Variants in PPP1CA observed in about 807,000 individuals in gnomAD.
The protein encoded by PPP1CA is serine/threonine-protein phosphatase PP1-alpha catalytic subunit.
In PPP1CA, 14 loss-of-function variants were observed where a neutral mutation model predicts 38.5. That is an observed-to-expected ratio of 0.36 (90% confidence interval 0.24 to 0.57). The LOEUF is 0.57. Ranked by LOEUF, PPP1CA falls within the 20% of genes least tolerant of loss-of-function variation. PPP1CA has a pLI of 0.80. For synonymous variants in PPP1CA, 200 were observed against 177.3 expected (o/e 1.13, Z -1.02); for missense variants, 277 against 435.2 (o/e 0.64, Z 3.23).
Position 67,401,407 on chromosome 11 carries a change from T to G in PPP1CA, c.56-208A>C, listed in dbSNP as rs979521201. The stretch of plus-strand genomic sequence containing the variant: ...TACCCTCAGCGCCTCGGGAGGCGAC[T>G]GTCGTGCGCAGGGGGCTGCCACCAA... On this transcript the variant is annotated intron_variant, in intron 1 of 6. Transcript: ENST00000376745. 3 of 831,446 alleles carry G rather than the reference T, an allele frequency of 3.6e-6. No homozygotes were observed. The African/African-American group carries it at 5.2e-5, about 14-fold the overall frequency. The allele number at this position is 831,446 out of a possible 1,614,324, so 51.5% of individuals were successfully genotyped here.
At position 67,398,657 on chromosome 11, in the gene PPP1CA, A is replaced by AGT; in HGVS notation, c.883-14_883-13dup. ...GCGGGCTTGAGGATCTAAAAGAGAC[A>AGT]GTGTTGGTCAGGCTCATGGGGCTGA... is the stretch of plus-strand genomic sequence containing the variant. On this transcript the variant is annotated splice_polypyrimidine_tract_variant and intron_variant, in intron 6 of 6. Transcript: ENST00000376745. The AGT allele has an allele frequency of 1.2e-6, 2 of 1,613,868 alleles. No individual in the cohort carries two copies. Among genetic ancestry groups the AGT allele is most frequent in the Non-Finnish European group, 1.7e-6 (2 of 1,179,840 alleles).
At chr11:67,400,962 C>A in intron 2 of PPP1CA, 43 bp from the exon 3 acceptor site, 3 of 1,610,954 alleles carry the variant, frequency 1.9e-6, no homozygotes, top group Non-Finnish European at 2.5e-6. Context: ...AAGGTCTAGA[C>A]CTGAACCCAG....
chr11:67,399,256 C>T, intron 4 of PPP1CA, 93 bp from the exon 5 acceptor site: 1 of 1,154,358 alleles, frequency 8.7e-7, no homozygotes, highest in East Asian at 2.6e-5. Flanking sequence ...CACCACCCTC[C>T]TGGTCCCGCC....
chr11:67,400,762 G>A lies in PPP1CA; in HGVS notation c.345C>T (p.Pro115=), dbSNP rs1457838162. The change falls in exon 3 of 7, where the codon CCC becomes CCT. Residue 115 remains proline, a synonymous_variant. Coordinates refer to ENST00000376745, the MANE Select transcript of PPP1CA (RefSeq NM_002708.4). ...CLLLAYKIKY[P]ENFFLLRGNH... Reference sequence around the variant, plus strand: ...TCCCACGGAGCAGGAAGAAGTTCTCGGGGTACTTGATCTTATAGGCCAGCA... The same window carrying A: ...TCCCACGGAGCAGGAAGAAGTTCTCAGGGTACTTGATCTTATAGGCCAGCA... 7 of 1,613,982 alleles carry A rather than the reference G, an allele frequency of 4.3e-6. No homozygotes were observed. The highest frequency in any genetic ancestry group is 5.9e-6 in the Non-Finnish European group (7 of 1,180,044).
In PPP1CA at chr11:67,401,155, C is replaced by T. The variant is rs1286863709; in HGVS notation, c.100G>A (p.Glu34Lys). The T allele has an allele frequency of 1.2e-6, 2 of 1,613,880 alleles. No homozygotes were observed. The highest frequency in any genetic ancestry group is 1.7e-6 in the Non-Finnish European group (2 of 1,180,012). Reference protein sequence around the residue: ...PGKNVQLTENEIRGLCLKSRE... With the variant: ...PGKNVQLTENKIRGLCLKSRE... ...GATTTCAGGCACAGACCGCGGATCT[C>T]GTTCTCTGTCAGCTGTACATTCTTG... The change falls in exon 2 of 7, where the codon GAG (glutamate) becomes AAG (lysine). Residue 34 changes from glutamate (E) to lysine (K), a missense_variant. Glu to Lys is a moderately conservative substitution (Grantham distance 56, BLOSUM62 1). Coordinates refer to ENST00000376745, the MANE Select transcript of PPP1CA (RefSeq NM_002708.4).
rs1162107886 is a variant in PPP1CA, at chr11:67,399,179, A to T, written c.524-16T>A. ...GGGGACAGGCCTGGGGGGCCGGGGGAAGGTCACTTCCTCAAACAAGGACAT... is the reference window on the plus strand; with the variant it reads ...GGGGACAGGCCTGGGGGGCCGGGGGTAGGTCACTTCCTCAAACAAGGACAT... On this transcript the variant is annotated splice_polypyrimidine_tract_variant and intron_variant, in intron 4 of 6. Coordinates refer to ENST00000376745, the MANE Select transcript of PPP1CA (RefSeq NM_002708.4). 1.9e-6 allele frequency: 3 copies of T among 1,606,348 alleles called. No homozygotes were observed. The South Asian group carries it at 3.3e-5, about 18-fold the overall frequency.
chr11:67,399,613 G>A lies in PPP1CA; in HGVS notation c.471C>T (p.Asn157=), dbSNP rs1416929088. ...CCACTATGGCCGCGATGGGCAGGCA[G>A]TTGAAGCAGTCAGTGAAGGTTTTCC... ...KLWKTFTDCF[N]CLPIAAIVDE... is the part of the protein sequence containing the mutation. Residue 157 remains asparagine (N), a synonymous_variant, in exon 4 of 7, where the codon AAC becomes AAT. Transcript: ENST00000376745. 2 of 1,614,036 alleles carry A rather than the reference G, an allele frequency of 1.2e-6. No individual in the cohort carries two copies. The highest frequency in any genetic ancestry group is 2.7e-5 in the African/African-American group (2 of 74,952).
rs752708519 is a variant in PPP1CA at position 67,398,996 on chromosome 11, C to A, written c.691G>T (p.Val231Leu). The A allele has an allele frequency of 6.2e-7, 1 of 1,613,466 alleles. No homozygotes were observed. Among genetic ancestry groups the A allele is most frequent in the Non-Finnish European group, 8.5e-7 (1 of 1,180,020 alleles). The change falls in exon 5 of 7, where the codon GTG becomes TTG. Residue 231 changes from valine (V) to leucine (L), a missense_variant. Transcript: ENST00000376745. The stretch of plus-strand genomic sequence containing the variant: ...TGCTTGTGGAGGAACTTGGCCACCA[C>A]CTCGGCTCCAAAGGTAAAAGAGACG... ...RGVSFTFGAE[V>L]VAKFLHKHDL...
At chr11:67,401,573 C>G in intron 1 of PPP1CA, 155 bp downstream of exon 1, 1 of 648,480 alleles carries the variant, frequency 1.5e-6, no homozygotes. Flanking sequence ...CCGGACCTCT[C>G]AGGCGCGTCC....
At chr11:67,401,574 A>T in intron 1 of PPP1CA, 154 bp downstream of exon 1, 1 of 646,546 alleles carries the variant, frequency 1.5e-6, no homozygotes, top group Non-Finnish European at 2.2e-6. Context: ...CGGACCTCTC[A>T]GGCGCGTCCG....
chr11:67,401,035 A>G, intron 2 of PPP1CA, 33 bp downstream of exon 2: 1 of 1,612,398 alleles, frequency 6.2e-7, no homozygotes, highest in East Asian at 2.2e-5. Flanking sequence ...TGCCACTTTT[A>G]GGAAGGCAAG....
intron 5 of PPP1CA, 38 bp downstream of exon 5, chr11:67,398,902 T>TCC: frequency 6.2e-7 from 1 of 1,611,658 alleles, no homozygotes; most frequent in South Asian, 1.1e-5. Flanking sequence ...GGCACGGCCC[T>TCC]CCCCTTCCCC....
chr11:67,398,434 G>T lies in PPP1CA; in HGVS notation c.*101C>A. On this transcript the variant is annotated 3_prime_UTR_variant, in exon 7 of 7. Coordinates refer to ENST00000376745, the MANE Select transcript of PPP1CA (RefSeq NM_002708.4). ...TACACCAAGGCTCCATGTTCCCCGT[G>T]ACAGGTGGGCCTGAGGGGTCGGGGT... is the stretch of plus-strand genomic sequence containing the variant. 1 of 1,158,534 alleles carries T rather than the reference G, an allele frequency of 8.6e-7. No homozygotes were observed. The highest frequency in any genetic ancestry group is 1.2e-6 in the Non-Finnish European group (1 of 807,346). The allele number at this position is 1,158,534 out of a possible 1,614,324, so 71.8% of individuals were successfully genotyped here. A position where few individuals can be genotyped will look rare whatever the true frequency, so the allele number is the denominator to read the frequency against.
chr11:67,399,565 G>A lies in PPP1CA; in HGVS notation c.519C>T (p.His173=), dbSNP rs774470957. ...CCCAGCCATCCCCTCCCTCACCTCC[G>A]TGGCAGCAGAAGATCTTTTCGTCCA... ...AIVDEKIFCC[H]GGLSPDLQSM... is the part of the protein sequence containing the mutation. Residue 173 remains histidine (H), a synonymous_variant, in exon 4 of 7, where the codon CAC becomes CAT. Coordinates refer to ENST00000376745, the MANE Select transcript of PPP1CA (RefSeq NM_002708.4). 1.7e-5 allele frequency: 28 copies of A among 1,613,936 alleles called. No individual in the cohort carries two copies. The highest frequency in any genetic ancestry group is 1.9e-5 in the Non-Finnish European group (22 of 1,179,878).
At chr11:67,401,583 C>T in intron 1 of PPP1CA, 145 bp downstream of exon 1, 2 of 717,284 alleles carry the variant, frequency 2.8e-6, no homozygotes, top group East Asian at 3.6e-5. Flanking sequence ...CAGGCGCGTC[C>T]GCGGGGGGGC....
Position 67,401,820 on chromosome 11 carries a change from G to A in PPP1CA, c.-38C>T, listed in dbSNP as rs762882878. 5.0e-6 allele frequency: 7 copies of A among 1,386,466 alleles called. No homozygotes were observed. The highest frequency in any genetic ancestry group is 1.7e-5 in the South Asian group (1 of 60,112). 85.9% of individuals were successfully genotyped at this position (1,386,466 alleles called of 1,614,324 possible). ...GCTCCAGCCCAGCAGCTCCTGGCCC[G>A]CTCCTGCCTCCCGCCCTCCGGCAGC... On this transcript the variant is annotated 5_prime_UTR_variant, in exon 1 of 7. Coordinates refer to ENST00000376745, the MANE Select transcript of PPP1CA (RefSeq NM_002708.4).
At position 67,398,999 on chromosome 11, in the gene PPP1CA, C is replaced by T. The variant is rs1204847934; in HGVS notation, c.688G>A (p.Glu230Lys). 3.1e-6 allele frequency: 5 copies of T among 1,613,440 alleles called. No homozygotes were observed. The highest frequency in any genetic ancestry group is 4.2e-6 in the Non-Finnish European group (5 of 1,180,024). ...TTGTGGAGGAACTTGGCCACCACCT[C>T]GGCTCCAAAGGTAAAAGAGACGCCA... Reference protein sequence around the residue: ...DRGVSFTFGAEVVAKFLHKHD... With the variant: ...DRGVSFTFGAKVVAKFLHKHD... The change falls in exon 5 of 7, where the codon GAG (glutamate) becomes AAG (lysine). Residue 230 changes from glutamate (E) to lysine (K), a missense_variant. Glu to Lys is a moderately conservative substitution (Grantham distance 56, BLOSUM62 1). This residue lies in a region of PPP1CA where 180 missense variants were observed against 356.7 expected (regional missense o/e 0.50). Coordinates refer to ENST00000376745, the MANE Select transcript of PPP1CA (RefSeq NM_002708.4).
chr11:67,399,243 TC>T, intron 4 of PPP1CA, 80 bp from the exon 5 acceptor site: 2 of 1,264,948 alleles, frequency 1.6e-6, no homozygotes, highest in Non-Finnish European at 2.2e-6. Context: ...ACCCCACCTT[TC>T]CCACCACCCT....
intron 1 of PPP1CA, 175 bp from the exon 2 acceptor site, chr11:67,401,374 C>T: frequency 3.7e-6 from 4 of 1,072,970 alleles, no homozygotes; most frequent in Non-Finnish European, 5.3e-6. Context: ...CCAGGGGAAG[C>T]CCCCAGCTAC....
Sources: allele counts gnomAD v4.1 joint callset, GRCh38; gene constraint gnomAD v4.1.1; regional missense constraint gnomAD v4.1.1; transcripts MANE v1.5; gene names NCBI Gene and HGNC (gene_info 2026-07-23, HGNC 2026-07-21).